Variants in DNAH11 observed in about 807,000 individuals in gnomAD.
DNAH11 encodes the protein axonemal beta dynein heavy chain 11.
A neutral mutation model predicts 526.0 loss-of-function variants in DNAH11; 442 were observed. The observed-to-expected ratio is 0.84, with a 90% CI of 0.78 to 0.91. The LOEUF is 0.91. Ranked by LOEUF, DNAH11 falls within the 40% of genes least tolerant of loss-of-function variation. DNAH11 has a pLI of 0.00. For synonymous variants in DNAH11, 2,461 were observed against 1,935.9 expected, an observed-to-expected ratio of 1.27 and a Z score of -7.12; for missense variants, 6,989 against 5,448.7, an observed-to-expected ratio of 1.28 and a Z score of -8.90.
intron 38 of DNAH11, among the ~76,000 whole-genome samples, chr7:21,704,948 A>G (rs763573206): frequency 1.3e-5 from 2 of 152,202 alleles, no homozygotes; most frequent in Non-Finnish European, 2.9e-5. Flanking sequence ...TTTAGAGAAC[A>G]TTGGAAGTAA....
At chr7:21,744,018 T>G (rs1186483061) in intron 49 of DNAH11, among the ~76,000 whole-genome samples, 1 of 152,184 alleles carries the variant, frequency 6.6e-6, no homozygotes, top group Non-Finnish European at 1.5e-5. Context: ...TCTGGGCACT[T>G]TACTCTTGGT....
chr7:21,895,053 T>G (rs1476480805), intron 79 of DNAH11, 54 bp downstream of exon 79: 1 of 1,434,268 alleles, frequency 7.0e-7, no homozygotes, highest in Non-Finnish European at 9.8e-7. Context: ...GGTGCTGGGT[T>G]AGTGTTCTGA....
At chr7:21,804,389 A>G (rs1789156013) in intron 62 of DNAH11, among the ~76,000 whole-genome samples, 1 of 152,176 alleles carries the variant, frequency 6.6e-6, no homozygotes, top group Admixed American at 6.5e-5. Flanking sequence ...GATTACAGGC[A>G]TGAGCCACCG....
intron 65 of DNAH11, among the ~76,000 whole-genome samples, chr7:21,822,391 G>T (rs957174733): frequency 6.6e-6 from 1 of 152,066 alleles, no homozygotes; most frequent in Non-Finnish European, 1.5e-5. Flanking sequence ...CACAGGGAGG[G>T]AGGACACCAA....
At chr7:21,559,939 T>C (rs1193614115) in intron 4 of DNAH11, 147 bp downstream of exon 4, 7 of 664,562 alleles carry the variant, frequency 1.1e-5, no homozygotes, top group Non-Finnish European at 1.5e-5. Context: ...GTGTGTGTGG[T>C]GTGCACTTTT....
At chr7:21,720,588 G>T (rs1339709846) in intron 43 of DNAH11, 137 bp from the exon 44 acceptor site, 2 of 947,122 alleles carry the variant, frequency 2.1e-6, no homozygotes, top group East Asian at 3.3e-5. Flanking sequence ...GGTAATTTTT[G>T]TCTCTCCCAA....
At chr7:21,893,819 G>A (rs954916894) in intron 77 of DNAH11, among the ~76,000 whole-genome samples, 1 of 152,204 alleles carries the variant, frequency 6.6e-6, no homozygotes, top group Non-Finnish European at 1.5e-5. Context: ...GTGGTTGGGA[G>A]GGCAGCATCA....
intron 68 of DNAH11, among the ~76,000 whole-genome samples, chr7:21,858,224 T>C (rs1358372770): frequency 6.6e-6 from 1 of 152,206 alleles, no homozygotes; most frequent in Admixed American, 6.5e-5. Context: ...CAGAAGACTC[T>C]TAATAGCAAG....
intron 65 of DNAH11, among the ~76,000 whole-genome samples, chr7:21,821,225 A>G (rs1371087000): frequency 4.0e-5 from 6 of 151,876 alleles, no homozygotes; most frequent in Admixed American, 1.3e-4. Context: ...AATTTCTCTT[A>G]CTAGACATGC....
At chr7:21,713,169 G>A (rs1248312080) in intron 42 of DNAH11, among the ~76,000 whole-genome samples, 1 of 152,144 alleles carries the variant, frequency 6.6e-6, no homozygotes, top group Non-Finnish European at 1.5e-5. Context: ...TCGAACTGTA[G>A]GAGTCACTGA....
rs1489038006 is a variant in DNAH11, at chr7:21,765,646, ACACACACACACACT to A, written c.9102+59_9102+72del. On this transcript the variant is annotated intron_variant, in intron 55 of 81. Transcript: ENST00000409508. ...CACACACACACACACACACACACACACACACACACACACTCTGAAAATCCTCAGTAGGTAAGTGC... is the reference window on the plus strand; with the variant it reads ...CACACACACACACACACACACACACACTGAAAATCCTCAGTAGGTAAGTGC... 11 of 1,301,048 alleles carry A rather than the reference ACACACACACACACT, an allele frequency of 8.5e-6. No homozygotes were observed. In the East Asian group the frequency reaches 1.1e-4, roughly 13 times the overall value. The allele number at this position is 1,301,048 out of a possible 1,614,324, so 80.6% of individuals were successfully genotyped here.
intron 70 of DNAH11, 55 bp from the exon 71 acceptor site, chr7:21,866,415 C>A: frequency 6.6e-7 from 1 of 1,509,072 alleles, no homozygotes; most frequent in Non-Finnish European, 8.9e-7. Flanking sequence ...GTCTTCTTCT[C>A]AAACTGTAAA....
At chr7:21,649,677 A>C (rs1306799215) in intron 28 of DNAH11, among the ~76,000 whole-genome samples, 1 of 138,924 alleles carries the variant, frequency 7.2e-6, no homozygotes, top group Non-Finnish European at 1.5e-5. Flanking sequence ...TTTTTTCTGT[A>C]GATGGAGTCT....
chr7:21,582,097 T>A (rs1450455918), intron 9 of DNAH11, 76 bp downstream of exon 9: 1 of 914,348 alleles, frequency 1.1e-6, no homozygotes, highest in Non-Finnish European at 1.8e-6. Flanking sequence ...GGGTGAATTC[T>A]CATTCAGGTA....
At chr7:21,574,862 C>T (rs1472014328) in intron 8 of DNAH11, among the ~76,000 whole-genome samples, 1 of 132,912 alleles carries the variant, frequency 7.5e-6, no homozygotes, top group Non-Finnish European at 1.6e-5. Context: ...AGCCACTGCA[C>T]TGGGCTTTTT....
intron 68 of DNAH11, among the ~76,000 whole-genome samples, chr7:21,859,704 G>C (rs1422443576): frequency 6.6e-6 from 1 of 151,746 alleles, no homozygotes; most frequent in Non-Finnish European, 1.5e-5. Context: ...TTATATTGAT[G>C]GCTATTTATA....
intron 25 of DNAH11, among the ~76,000 whole-genome samples, chr7:21,630,944 G>T (rs562672652): frequency 2.0e-5 from 3 of 151,978 alleles, no homozygotes; most frequent in Admixed American, 6.6e-5. Flanking sequence ...TCTTAAATTT[G>T]TTAAGACTTG....
At chr7:21,784,252 C>G (rs1788077608) in intron 57 of DNAH11, among the ~76,000 whole-genome samples, 175 bp from the exon 58 acceptor site, 1 of 152,148 alleles carries the variant, frequency 6.6e-6, no homozygotes, top group Non-Finnish European at 1.5e-5. Flanking sequence ...ATGTACAAAA[C>G]TTTGTATATA....
intron 54 of DNAH11, among the ~76,000 whole-genome samples, chr7:21,751,660 A>G (rs955127312): frequency 1.6e-4 from 25 of 152,304 alleles, no homozygotes; most frequent in Middle Eastern, 6.8e-3. Context: ...GGGTACTGGC[A>G]TTGGCCCTGA....
Sources: gnomAD v4.1 joint callset for allele counts (sites outside exome capture counted in the v4.1 genomes callset) on GRCh38, gnomAD v4.1.1 for gene constraint, MANE v1.5 for transcripts, NCBI Gene and HGNC (gene_info 2026-07-23, HGNC 2026-07-21) for gene names.